The following MAP2K2 variants were observed in gnomAD, a reference collection of about 807,000 sequenced individuals.
MAP2K2 encodes the protein mitogen-activated protein kinase kinase 2.
In MAP2K2, 24 loss-of-function variants were observed where a neutral mutation model predicts 43.7. The ratio of observed to expected loss-of-function variants is 0.55; its 90% CI spans 0.40 to 0.77. The LOEUF (loss-of-function observed/expected upper bound fraction) is 0.77, where lower values mean the gene tolerates loss of function less well. Among genes scored for constraint, MAP2K2 ranks in the 30% least tolerant of loss-of-function variants. MAP2K2 has a pLI of 0.00. For missense variants in MAP2K2, 470 were observed against 566.8 expected (o/e 0.83, Z 1.73); for synonymous variants, 244 against 239.7 (o/e 1.02, Z -0.17).
intron 1 of MAP2K2, among the ~76,000 whole-genome samples, chr19:4,119,624 G>A (rs994308081): frequency 3.9e-5 from 6 of 152,186 alleles, no homozygotes; most frequent in Non-Finnish European, 8.8e-5. Flanking sequence ...CACTGTTTCC[G>A]TCTTAAGCCT....
At position 4,124,004 on chromosome 19, in the gene MAP2K2, GGCGGGCGGCGCT is replaced by G. The variant is rs2041338612; in HGVS notation, c.-141_-130del. The stretch of plus-strand genomic sequence containing the variant: ...CCAGGCCGGCGTCGGGGCGGCCGAG[GGCGGGCGGCGCT>G]GCGGGCCTGGGCCGAGGGTAGCCGA... On this transcript the variant is annotated 5_prime_UTR_variant, in exon 1 of 11. Coordinates refer to ENST00000262948, the MANE Select transcript of MAP2K2 (RefSeq NM_030662.4). 7.7e-6 allele frequency: 2 copies of G among 258,772 alleles called. No individual in the cohort carries two copies. The highest frequency in any genetic ancestry group is 1.2e-5 in the Non-Finnish European group (2 of 160,730). The allele number at this position is 258,772 out of a possible 1,614,324, so 16.0% of individuals were successfully genotyped here. A position where few individuals can be genotyped will look rare whatever the true frequency, so the allele number is the denominator to read the frequency against.
At chr19:4,091,248 C>T (rs924831790) in intron 10 of MAP2K2, among the ~76,000 whole-genome samples, 5 of 152,246 alleles carry the variant, frequency 3.3e-5, no homozygotes, top group East Asian at 1.9e-4. Flanking sequence ...CCGTCCCACT[C>T]GCCAGCACAT....
chr19:4,094,637 G>A (rs1568249621), intron 9 of MAP2K2, 139 bp from the exon 10 acceptor site: 8 of 805,734 alleles, frequency 9.9e-6, no homozygotes, highest in Non-Finnish European at 2.1e-6. Flanking sequence ...GTGGCACAGA[G>A]TGGCTGCTCT....
Position 4,117,649 on chromosome 19 carries a change from T to TA in MAP2K2, c.93-21dup, listed in dbSNP as rs757166427. The TA allele has an allele frequency of 1.2e-5, 20 of 1,612,120 alleles. No individual in the cohort carries two copies. The highest frequency in any genetic ancestry group is 1.6e-5 in the Non-Finnish European group (19 of 1,178,806). On this transcript the variant is annotated intron_variant, in intron 1 of 10. Transcript: ENST00000262948. ...TTTGCCCTGCAGAGACCCCCCAGGG[T>TA]AGGGGTTAGCTACCTAGGGAGACTC... is the stretch of plus-strand genomic sequence containing the variant.
chr19:4,110,750 G>T, intron 2 of MAP2K2, 95 bp from the exon 3 acceptor site: 1 of 1,394,840 alleles, frequency 7.2e-7, no homozygotes, highest in Non-Finnish European at 9.8e-7. Context: ...CCCAACAGTG[G>T]TCAAGACCAA....
intron 2 of MAP2K2, among the ~76,000 whole-genome samples, chr19:4,112,672 G>A (rs1011889034): frequency 4.8e-5 from 7 of 144,830 alleles, no homozygotes; most frequent in Admixed American, 1.4e-4. Context: ...CTGCCTGCCC[G>A]CCCCTGCCTG....
intron 9 of MAP2K2, chr19:4,094,983 C>G: frequency 2.8e-6 from 1 of 351,538 alleles, no homozygotes. Flanking sequence ...GAAGCCCACG[C>G]CACAGGTGCT....
In MAP2K2 at chr19:4,094,112, G is replaced by T. The variant is rs2289859; in HGVS notation, c.1092+341C>A. Among the ~76,000 whole-genome samples the T allele has an allele frequency of 0.5, 76,269 of 151,978 alleles. 19,226 individuals are homozygous for T. Among genetic ancestry groups the T allele is most frequent in the East Asian group, 0.65 (3,360 of 5,164 alleles). ...TCTAGTTTGCAGGGAAAGGAGCCTG[G>T]GGGGCTGAGAGCTGCCTCCAGCCTC... On this transcript the variant is annotated intron_variant, in intron 10 of 10. Coordinates refer to ENST00000262948, the MANE Select transcript of MAP2K2 (RefSeq NM_030662.4).
chr19:4,116,394 G>C (rs1364539811), intron 2 of MAP2K2, among the ~76,000 whole-genome samples: 1 of 152,094 alleles, frequency 6.6e-6, no homozygotes, highest in Non-Finnish European at 1.5e-5. Context: ...ACTGGGTGTG[G>C]TGGCATGCAC....
rs2041205094 is a variant in MAP2K2, at chr19:4,115,215, C to T, written c.303+2204G>A. ...ACAGTACTGACACCCAGAGCTGATG[C>T]TGGGACATCTCCACCCACCAGACCA... On this transcript the variant is annotated intron_variant, in intron 2 of 10. Coordinates refer to ENST00000262948, the MANE Select transcript of MAP2K2 (RefSeq NM_030662.4). The surrounding 1 kb of genome is among the most constrained non-coding windows in gnomAD (Gnocchi z 4.1). Among the ~76,000 whole-genome samples the T allele has an allele frequency of 6.6e-6, 1 of 152,210 alleles. No individual in the cohort carries two copies. Among genetic ancestry groups the T allele is most frequent in the Admixed American group, 6.5e-5 (1 of 15,274 alleles).
At chr19:4,105,786 A>G (rs532444172) in intron 3 of MAP2K2, among the ~76,000 whole-genome samples, 1 of 151,546 alleles carries the variant, frequency 6.6e-6, no homozygotes, top group African/African-American at 2.4e-5. Flanking sequence ...CAGTCCTCCC[A>G]CCTCAGCTTC....
rs1448945803 is a variant in MAP2K2, at chr19:4,095,435, C to T, written c.999G>A (p.Leu333=). The T allele has an allele frequency of 1.3e-6, 2 of 1,551,312 alleles. No individual in the cohort carries two copies. The highest frequency in any genetic ancestry group is 1.7e-4 in the Middle Eastern group (1 of 5,982). The stretch of plus-strand genomic sequence containing the variant: ...AGTCGGGGGTGAACACACCGTTGGG[C>T]AGCTTAGGAGGTGGCTGTGGAGGAG... ...DYIVNEPPPK[L]PNGVFTPDFQ... The change falls in exon 9 of 11, where the codon CTG becomes CTA. Residue 333 remains leucine (L), a synonymous_variant. Coordinates refer to ENST00000262948, the MANE Select transcript of MAP2K2 (RefSeq NM_030662.4).
At chr19:4,097,631 C>T (rs1229773016) in intron 7 of MAP2K2, among the ~76,000 whole-genome samples, 3 of 152,262 alleles carry the variant, frequency 2.0e-5, no homozygotes, top group East Asian at 1.9e-4. Flanking sequence ...GCTTGCCGGA[C>T]GTGCCAAAGT....
At chr19:4,105,362 G>C (rs1054628176) in intron 3 of MAP2K2, among the ~76,000 whole-genome samples, 1 of 151,368 alleles carries the variant, frequency 6.6e-6, no homozygotes, top group Non-Finnish European at 1.5e-5. Context: ...TCCGCCTCCC[G>C]GGTTCACGCC....
chr19:4,123,671 T>G, intron 1 of MAP2K2, 113 bp downstream of exon 1: 1 of 369,084 alleles, frequency 2.7e-6, no homozygotes. Context: ...TCCTCCCCCG[T>G]GACCCCCCTG....
intron 3 of MAP2K2, among the ~76,000 whole-genome samples, chr19:4,109,482 G>A (rs994170081): frequency 5.3e-5 from 8 of 152,108 alleles, no homozygotes; most frequent in Admixed American, 2.0e-4. Context: ...TCTGCTGCCC[G>A]GGCTGGAGTG....
rs1421020773 is a variant in MAP2K2 at position 4,100,663 on chromosome 19, T to A, written c.705+356A>T. The A allele has an allele frequency of 2.2e-5, 7 of 318,824 alleles. No individual in the cohort carries two copies. The Admixed American group carries it at 2.7e-4, about 12-fold the overall frequency. The allele number at this position is 318,824 out of a possible 1,614,324, so 19.7% of individuals were successfully genotyped here. ...AGACCCCGTGTCTACAAAAGATTAG[T>A]AAATTAACAAATAAAAAATAAAGAG... On this transcript the variant is annotated intron_variant, in intron 6 of 10. Transcript: ENST00000262948.
At chr19:4,116,215 A>G (rs1189631372) in intron 2 of MAP2K2, among the ~76,000 whole-genome samples, 3 of 152,236 alleles carry the variant, frequency 2.0e-5, no homozygotes, top group African/African-American at 7.2e-5. Flanking sequence ...GGTGAGTCTC[A>G]GCCAATCAGC....
chr19:4,117,720 G>A, intron 1 of MAP2K2, 91 bp from the exon 2 acceptor site: 1 of 1,133,118 alleles, frequency 8.8e-7, no homozygotes, highest in Non-Finnish European at 1.3e-6. Context: ...GCCCCCAGGA[G>A]GACACAGACT....
Sources: allele counts gnomAD v4.1 joint callset (sites outside exome capture counted in the v4.1 genomes callset), GRCh38; gene constraint gnomAD v4.1.1; non-coding constraint Gnocchi (gnomAD v3.1); transcripts MANE v1.5; gene names NCBI Gene and HGNC (gene_info 2026-07-23, HGNC 2026-07-21).